MYO5B: variants seen among roughly 807,000 people sequenced by gnomAD.
The protein encoded by MYO5B is myosin VB.
In MYO5B, 143 loss-of-function variants were observed where a neutral mutation model predicts 229.3. The ratio of observed to expected loss-of-function variants is 0.62; its 90% CI spans 0.54 to 0.72. The LOEUF (loss-of-function observed/expected upper bound fraction) is 0.72, where lower values mean the gene tolerates loss of function less well. Among genes scored for constraint, MYO5B ranks in the 30% least tolerant of loss-of-function variants. The probability of loss-of-function intolerance (pLI) is 0.00; values close to 1 mark genes in which losing one functional copy is unlikely to be tolerated. For missense variants in MYO5B, 2,321 were observed against 2,331.0 expected (o/e 1.00, Z 0.09); for synonymous variants, 918 against 885.2 (o/e 1.04, Z -0.66).
intron 33 of MYO5B, among the ~76,000 whole-genome samples, chr18:49,845,546 GT>G (rs1311240278): frequency 1.3e-5 from 2 of 152,196 alleles, no homozygotes; most frequent in Non-Finnish European, 2.9e-5. Flanking sequence ...TTTGAGAAGG[GT>G]TTTGCAGTTT....
chr18:49,920,970 A>G (rs2025067955), intron 17 of MYO5B, among the ~76,000 whole-genome samples: 1 of 152,206 alleles, frequency 6.6e-6, no homozygotes, highest in South Asian at 2.1e-4. Flanking sequence ...ATCCTGAGAT[A>G]ATGACTCATA....
At chr18:50,094,057 T>C (rs889179018) in intron 1 of MYO5B, among the ~76,000 whole-genome samples, 1 of 152,238 alleles carries the variant, frequency 6.6e-6, no homozygotes, top group African/African-American at 2.4e-5. Flanking sequence ...TCCTTTCATT[T>C]TACTCTAGAT....
intron 1 of MYO5B, among the ~76,000 whole-genome samples, chr18:50,128,755 G>A (rs552628385): frequency 3.3e-5 from 5 of 152,270 alleles, no homozygotes; most frequent in Admixed American, 6.5e-5. Flanking sequence ...CAAGCCCTCC[G>A]GGTCTCAGTT....
chr18:50,069,114 T>A (rs938255772), intron 1 of MYO5B, among the ~76,000 whole-genome samples: 1 of 151,662 alleles, frequency 6.6e-6, no homozygotes. Context: ...ATCTATGGAG[T>A]CCAAAAACTG....
intron 1 of MYO5B, among the ~76,000 whole-genome samples, chr18:50,056,227 T>C (rs2030546093): frequency 1.3e-5 from 2 of 152,224 alleles, no homozygotes; most frequent in South Asian, 4.1e-4. Flanking sequence ...ATTAACTGTC[T>C]GACTTGCCCA....
intron 21 of MYO5B, among the ~76,000 whole-genome samples, chr18:49,897,987 T>G (rs766025112): frequency 4.6e-5 from 7 of 152,230 alleles, no homozygotes; most frequent in Non-Finnish European, 8.8e-5. Context: ...CCCTTCTCTA[T>G]GTTTAGATAC....
chr18:49,950,543 G>C (rs1228653049), intron 14 of MYO5B, among the ~76,000 whole-genome samples: 1 of 152,158 alleles, frequency 6.6e-6, no homozygotes, highest in Non-Finnish European at 1.5e-5. Flanking sequence ...TTAAAAAAGA[G>C]AAATAGATGT....
chr18:49,877,966 A>T, intron 24 of MYO5B, 84 bp from the exon 25 acceptor site: 1 of 1,528,054 alleles, frequency 6.5e-7, no homozygotes, highest in Non-Finnish European at 9.1e-7. Context: ...CCCTAGAGTT[A>T]TCCTTCTGCC....
rs1250238222 is a variant in MYO5B, at chr18:49,877,861, TC to T, written c.3297del (p.Asn1100ThrfsTer8). The T allele has an allele frequency of 6.2e-7, 1 of 1,614,156 alleles. No individual in the cohort carries two copies. Among genetic ancestry groups the T allele is most frequent in the African/African-American group, 1.3e-5 (1 of 75,038 alleles). On this transcript the variant is annotated frameshift_variant, in exon 25 of 40. Coordinates refer to ENST00000285039, the MANE Select transcript of MYO5B (RefSeq NM_001080467.3). LOFTEE classifies it high-confidence loss of function. ...TIIKQTPGHR[R>X]NPSNQSSLES... Reference sequence around the variant, plus strand: ...TCTAAGCTACTTTGGTTTGATGGGTTCCGCCTATGACCTGGAGTTTGCTGTT... The same window carrying T: ...TCTAAGCTACTTTGGTTTGATGGGTTCGCCTATGACCTGGAGTTTGCTGTT...
intron 1 of MYO5B, among the ~76,000 whole-genome samples, chr18:50,190,383 C>G (rs922907199): frequency 3.3e-5 from 5 of 152,194 alleles, no homozygotes; most frequent in Non-Finnish European, 5.9e-5. Flanking sequence ...CTCACACTGA[C>G]CACATGCATG....
chr18:50,183,459 A>G (rs997817314), intron 1 of MYO5B, among the ~76,000 whole-genome samples: 1 of 151,170 alleles, frequency 6.6e-6, no homozygotes, highest in Non-Finnish European at 1.5e-5. Flanking sequence ...AAACAAGAAG[A>G]TGAGGAAAGG....
chr18:50,009,203 C>T (rs549051121), intron 4 of MYO5B, among the ~76,000 whole-genome samples: 20 of 152,058 alleles, frequency 1.3e-4, no homozygotes, highest in Non-Finnish European at 2.6e-4. Context: ...CATGGTGAAA[C>T]CCCATCTCTA....
chr18:49,901,960 C>T (rs577812332), intron 21 of MYO5B, among the ~76,000 whole-genome samples: 74 of 152,370 alleles, frequency 4.9e-4, no homozygotes, highest in Admixed American at 4.0e-3. Flanking sequence ...ACAGCAAGCC[C>T]TCCATGCACA....
At position 49,953,252 on chromosome 18, in the gene MYO5B, C is replaced by A. The variant is rs1449172082; in HGVS notation, c.1752+8G>T. Reference sequence around the variant, plus strand: ...CCTGCTCCACTCCCCACTTCTGACACTCTTTACCTTGCTGGCCTTCAGGAT... The same window carrying A: ...CCTGCTCCACTCCCCACTTCTGACAATCTTTACCTTGCTGGCCTTCAGGAT... On this transcript the variant is annotated splice_region_variant and intron_variant, in intron 14 of 39. Transcript: ENST00000285039. 2 of 1,613,696 alleles carry A rather than the reference C, an allele frequency of 1.2e-6. No homozygotes were observed. Among genetic ancestry groups the A allele is most frequent in the Admixed American group, 3.3e-5 (2 of 60,020 alleles).
intron 1 of MYO5B, among the ~76,000 whole-genome samples, chr18:50,069,341 G>C (rs2030897300): frequency 1.3e-5 from 2 of 152,140 alleles, no homozygotes. Context: ...TAAGGATGAA[G>C]AACAGCATCA....
intron 18 of MYO5B, among the ~76,000 whole-genome samples, chr18:49,910,812 T>C (rs979824099): frequency 6.6e-6 from 1 of 152,222 alleles, no homozygotes; most frequent in African/African-American, 2.4e-5. Context: ...ACAGAAAACC[T>C]GAAAAATTAA....
intron 39 of MYO5B, among the ~76,000 whole-genome samples, chr18:49,834,158 G>A (rs1420353118): frequency 6.6e-6 from 1 of 152,048 alleles, no homozygotes; most frequent in Non-Finnish European, 1.5e-5. Flanking sequence ...ACACTGTAAG[G>A]AGCTCCAAAT....
intron 27 of MYO5B, among the ~76,000 whole-genome samples, chr18:49,865,385 C>T (rs1167506649): frequency 1.3e-5 from 2 of 152,178 alleles, no homozygotes; most frequent in Non-Finnish European, 2.9e-5. Flanking sequence ...GAGATAGTAA[C>T]TCTGCAGACA....
At chr18:49,955,862 G>C (rs570568327) in intron 12 of MYO5B, among the ~76,000 whole-genome samples, 2 of 152,210 alleles carry the variant, frequency 1.3e-5, no homozygotes, top group African/African-American at 2.4e-5. Flanking sequence ...TGGCTGTCAG[G>C]ACCGGGTGGG....
Sources: allele counts gnomAD v4.1 joint callset (sites outside exome capture counted in the v4.1 genomes callset), GRCh38; gene constraint gnomAD v4.1.1; transcripts MANE v1.5; gene names NCBI Gene and HGNC (gene_info 2026-07-23, HGNC 2026-07-21).